The following CCDC60 variants were observed in gnomAD, a reference collection of about 807,000 sequenced individuals.
CCDC60 encodes coiled-coil domain-containing protein 60.
CCDC60 carries 54 observed loss-of-function variants against 63.5 expected under a neutral mutation model. The observed-to-expected ratio is 0.85, with a 90% CI of 0.68 to 1.07. The LOEUF (loss-of-function observed/expected upper bound fraction) is 1.07, where lower values mean the gene tolerates loss of function less well. Ranked by LOEUF, CCDC60 falls within the 50% of genes least tolerant of loss-of-function variation. The pLI is 0.00. For missense variants in CCDC60, 651 were observed against 684.3 expected (o/e 0.95, Z 0.54); for synonymous variants, 206 against 238.8 (o/e 0.86, Z 1.27).
chr12:119,527,836 C>T (rs1322996866), intron 11 of CCDC60, among the ~76,000 whole-genome samples: 1 of 151,628 alleles, frequency 6.6e-6, no homozygotes, highest in African/African-American at 2.4e-5. Context: ...GCCACCACGC[C>T]CGGCTAATTT....
chr12:119,404,851 T>C (rs937959154), intron 1 of CCDC60, among the ~76,000 whole-genome samples: 2 of 152,094 alleles, frequency 1.3e-5, no homozygotes, highest in African/African-American at 2.4e-5. Context: ...TGGAGATGGT[T>C]TGAAAGAAAT....
intron 5 of CCDC60, 46 bp from the exon 6 acceptor site, chr12:119,500,032 C>A: frequency 7.6e-7 from 1 of 1,313,606 alleles, no homozygotes; most frequent in Non-Finnish European, 1.1e-6. Context: ...TTGTAATAAA[C>A]CAAGACTCTG....
At chr12:119,416,156 C>T (rs927396561) in intron 1 of CCDC60, among the ~76,000 whole-genome samples, 3 of 152,054 alleles carry the variant, frequency 2.0e-5, no homozygotes, top group South Asian at 2.1e-4. Context: ...CCAAGGCAGG[C>T]GGATCACCTG....
intron 1 of CCDC60, among the ~76,000 whole-genome samples, chr12:119,368,304 C>A (rs1955864317): frequency 6.6e-6 from 1 of 152,108 alleles, no homozygotes; most frequent in Non-Finnish European, 1.5e-5. Context: ...AGCCATAGAG[C>A]TGCCATTTTA....
rs1196483830 is a variant in CCDC60 at position 119,479,097 on chromosome 12, A to G, written c.345A>G (p.Thr115=). 2.5e-6 allele frequency: 4 copies of G among 1,609,782 alleles called. No individual in the cohort carries two copies. The highest frequency in any genetic ancestry group is 1.6e-4 in the Middle Eastern group (1 of 6,080). ...TCTCTGTCTGCTTGTCCTTCAGCACATATGATGATGAGAAGTTGAAGACAC... is the reference window on the plus strand; with the variant it reads ...TCTCTGTCTGCTTGTCCTTCAGCACGTATGATGATGAGAAGTTGAAGACAC... ...EIHYGDTLLS[T]YDDEKLKTLG... The change falls in exon 4 of 14, where the codon ACA becomes ACG. Residue 115 remains threonine (T), a synonymous_variant. Transcript: ENST00000327554.
At chr12:119,475,685 GT>G (rs1223720301) in intron 3 of CCDC60, among the ~76,000 whole-genome samples, 5 of 152,210 alleles carry the variant, frequency 3.3e-5, no homozygotes, top group African/African-American at 4.8e-5. Flanking sequence ...CCATACAACT[GT>G]TTCACTTTGA....
intron 1 of CCDC60, among the ~76,000 whole-genome samples, chr12:119,379,581 C>T (rs934520084): frequency 1.3e-5 from 2 of 152,212 alleles, no homozygotes; most frequent in African/African-American, 4.8e-5. Flanking sequence ...ATGCCTGGCA[C>T]ATAATGGGTC....
chr12:119,441,618 A>C (rs1040242824), intron 2 of CCDC60, among the ~76,000 whole-genome samples: 5 of 152,136 alleles, frequency 3.3e-5, no homozygotes, highest in African/African-American at 1.2e-4. Context: ...TCTTGTCTTG[A>C]GCTTTAAATC....
At chr12:119,539,386 G>A (rs1186099591) in intron 13 of CCDC60, among the ~76,000 whole-genome samples, 3 of 152,210 alleles carry the variant, frequency 2.0e-5, no homozygotes, top group Non-Finnish European at 1.5e-5. Flanking sequence ...GAGATGCCCT[G>A]CCCAGAAAGG....
At chr12:119,374,716 TA>T (rs1955933626) in intron 1 of CCDC60, among the ~76,000 whole-genome samples, 1 of 152,176 alleles carries the variant, frequency 6.6e-6, no homozygotes, top group Admixed American at 6.5e-5. Context: ...AGTGTATTTA[TA>T]GTTAGTTCTT....
intron 2 of CCDC60, among the ~76,000 whole-genome samples, chr12:119,460,140 C>T (rs983782354): frequency 2.0e-5 from 3 of 152,084 alleles, no homozygotes; most frequent in Non-Finnish European, 2.9e-5. Context: ...GTAAGTCTGT[C>T]GGGCCAGCAC....
intron 1 of CCDC60, among the ~76,000 whole-genome samples, chr12:119,421,544 G>A (rs1273598389): frequency 6.6e-6 from 1 of 152,178 alleles, no homozygotes; most frequent in Non-Finnish European, 1.5e-5. Context: ...TATAGAATGG[G>A]AATAATAATA....
intron 1 of CCDC60, among the ~76,000 whole-genome samples, chr12:119,353,595 C>CTTTTTTTTTTTT (rs1955682395): frequency 9.0e-6 from 1 of 110,866 alleles, no homozygotes; most frequent in African/African-American, 3.3e-5. Context: ...TCTTCTTCTT[C>CTTTTTTTTTTTT]TTCTTTTTTT....
chr12:119,483,437 G>A (rs545974145), intron 4 of CCDC60, among the ~76,000 whole-genome samples: 1 of 152,294 alleles, frequency 6.6e-6, no homozygotes, highest in East Asian at 1.9e-4. Flanking sequence ...CTTTAAAAAG[G>A]GAAGGGAGTG....
At chr12:119,472,283 G>A (rs1951078410) in intron 3 of CCDC60, 119 bp downstream of exon 3, 6 of 883,612 alleles carry the variant, frequency 6.8e-6, no homozygotes, top group Non-Finnish European at 8.9e-6. Context: ...TTCTCAGCCT[G>A]GCATCTAACA....
rs978712619 is a variant in CCDC60 at position 119,522,810 on chromosome 12, T to C, written c.1041-129T>C. The C allele has an allele frequency of 8.7e-6, 7 of 807,716 alleles. No individual in the cohort carries two copies. The Admixed American group carries it at 8.7e-5, about 10-fold the overall frequency. 50.0% of individuals were successfully genotyped at this position (807,716 alleles called of 1,614,324 possible). The stretch of plus-strand genomic sequence containing the variant: ...GAAGAAATTCATAGAGTTCTGTGAC[T>C]GGTGCCTTGATTAGAACCACCTCCC... On this transcript the variant is annotated intron_variant, in intron 9 of 13. Transcript: ENST00000327554.
intron 3 of CCDC60, among the ~76,000 whole-genome samples, chr12:119,478,391 A>G (rs1393015356): frequency 6.6e-6 from 1 of 152,056 alleles, no homozygotes; most frequent in African/African-American, 2.4e-5. Flanking sequence ...TATTTTCTAT[A>G]ACGGAAATGA....
At chr12:119,378,750 G>A (rs1955979741) in intron 1 of CCDC60, among the ~76,000 whole-genome samples, 1 of 152,108 alleles carries the variant, frequency 6.6e-6, no homozygotes, top group South Asian at 2.1e-4. Flanking sequence ...TTTTGTTTTT[G>A]CGAAGATCCT....
intron 1 of CCDC60, among the ~76,000 whole-genome samples, chr12:119,351,546 T>C (rs1185208771): frequency 6.6e-6 from 1 of 152,194 alleles, no homozygotes; most frequent in Non-Finnish European, 1.5e-5. Flanking sequence ...GAGCCTTACA[T>C]GGCAGGAGCA....
Sources: gnomAD v4.1 joint callset for allele counts (sites outside exome capture counted in the v4.1 genomes callset) on GRCh38, gnomAD v4.1.1 for gene constraint, MANE v1.5 for transcripts, NCBI Gene and HGNC (gene_info 2026-07-23, HGNC 2026-07-21) for gene names.